RTL9: variants seen among roughly 807,000 people sequenced by gnomAD.
RTL9 encodes retrotransposon Gag-like protein 9.
In RTL9, 19 loss-of-function variants were observed where a neutral mutation model predicts 44.7. The observed-to-expected ratio is 0.42, with a 90% CI of 0.30 to 0.62. RTL9 has a LOEUF of 0.62. Among genes scored for constraint, RTL9 ranks in the 20% least tolerant of loss-of-function variants. The pLI is 0.16. For synonymous variants in RTL9, 407 were observed against 398.9 expected, an observed-to-expected ratio of 1.02 and a Z score of -0.24; for missense variants, 1,105 against 1,080.6, an observed-to-expected ratio of 1.02 and a Z score of -0.32.
intron 1 of RTL9, among the ~76,000 whole-genome samples, chrX:110,371,712 A>T (rs958851111): frequency 1.8e-5 from 2 of 111,077 alleles, no homozygotes; most frequent in African/African-American, 6.6e-5. Flanking sequence ...GCTTGGCTGA[A>T]TCCTGTTAGA....
At chrX:110,426,000 ACG>A (rs1393578269) in intron 1 of RTL9, among the ~76,000 whole-genome samples, 1 of 110,914 alleles carries the variant, frequency 9.0e-6, no homozygotes, top group Non-Finnish European at 1.9e-5. Flanking sequence ...ACACACACAA[ACG>A]CACACACACA....
In RTL9 at chrX:110,455,137, A is replaced by C; in HGVS notation, c.4048-65A>C. On this transcript the variant is annotated intron_variant, in intron 1 of 1. Coordinates refer to ENST00000540313, the Ensembl canonical transcript of RTL9. ...ATCTGCTAAGTCACAGAACTTATCC[A>C]GGCAGAACACCCGTTGCCATAGTAA... The C allele has an allele frequency of 5.9e-6, 7 of 1,190,414 alleles. No homozygotes were observed. The Middle Eastern group carries it at 1.0e-3, about 169-fold the overall frequency.
exon 1 of RTL9, chrX:110,450,878 G>T: frequency 1.7e-6 from 2 of 1,211,709 alleles, no homozygotes; most frequent in Non-Finnish European, 2.2e-6. Flanking sequence ...CTGGAGCATT[G>T]TCCCCACCCC....
upstream of RTL9, chrX:110,450,473 C>T: frequency 2.0e-6 from 1 of 499,757 alleles, no homozygotes. Context: ...TACCTGACAA[C>T]GCATAAAAAC....
chrX:110,374,955 A>G lies in RTL9; in HGVS notation c.-168+16039A>G, dbSNP rs181278981. Among the ~76,000 whole-genome samples the G allele has an allele frequency of 4.7e-3, 522 of 111,265 alleles. 1 individual carries two copies. The highest frequency in any genetic ancestry group is 0.015 in the African/African-American group (472 of 30,541). On this transcript the variant is annotated intron_variant, in intron 1 of 2. Transcript: ENST00000520821. ...CCCTTCAGCCTTTTTAAAGGAAATT[A>G]TATGTTTTCTGACTGGCCAATGAAA...
At chrX:110,442,527 T>C (rs1287148319) in intron 1 of RTL9, among the ~76,000 whole-genome samples, 1 of 111,282 alleles carries the variant, frequency 9.0e-6, no homozygotes, top group African/African-American at 3.3e-5. Context: ...GGTTATATCT[T>C]GTTTTTTCCT....
intron 1 of RTL9, among the ~76,000 whole-genome samples, chrX:110,431,033 C>A (rs971717356): frequency 1.5e-4 from 17 of 112,081 alleles, no homozygotes; most frequent in African/African-American, 5.2e-4. Context: ...CTGAGGCTGT[C>A]AGGAACCAAG....
intron 1 of RTL9, among the ~76,000 whole-genome samples, chrX:110,409,064 C>T (rs1003172547): frequency 2.7e-5 from 3 of 111,502 alleles, no homozygotes; most frequent in Non-Finnish European, 3.8e-5. Context: ...GTTTTGCTTC[C>T]GTTTGGCCTA....
chrX:110,370,003 C>A (rs2068326262), intron 1 of RTL9, among the ~76,000 whole-genome samples: 1 of 110,113 alleles, frequency 9.1e-6, no homozygotes, highest in Admixed American at 9.7e-5. Context: ...GAATCTGAGA[C>A]CCAAAATGAG....
intron 1 of RTL9, among the ~76,000 whole-genome samples, chrX:110,443,142 A>T: frequency 8.9e-6 from 1 of 111,980 alleles, no homozygotes; most frequent in Non-Finnish European, 1.9e-5. Context: ...AGAACATGCG[A>T]GGTAGGTACT....
At chrX:110,379,810 T>C (rs968242123) in intron 1 of RTL9, among the ~76,000 whole-genome samples, 4 of 112,361 alleles carry the variant, frequency 3.6e-5, no homozygotes, top group African/African-American at 1.3e-4. Context: ...GGATGGCCTT[T>C]GAGTGGTCTT....
At chrX:110,452,611 G>T (rs1454469169) in exon 1 of RTL9, 2 of 1,207,870 alleles carry the variant, frequency 1.7e-6, no homozygotes, top group South Asian at 1.8e-5. Context: ...GCCTCTGGAG[G>T]GTTGTCTGCA....
intron 1 of RTL9, among the ~76,000 whole-genome samples, chrX:110,359,198 C>T (rs138322365): frequency 8.2e-4 from 91 of 111,295 alleles, no homozygotes; most frequent in Non-Finnish European, 1.6e-3. Flanking sequence ...TACTGCTTCG[C>T]AACAGAAACT....
chrX:110,410,785 T>C (rs973233085), intron 1 of RTL9, among the ~76,000 whole-genome samples: 1 of 111,496 alleles, frequency 9.0e-6, no homozygotes, highest in Non-Finnish European at 1.9e-5. Context: ...GGATCCTAGA[T>C]ATGTCGTAGC....
chrX:110,447,830 G>A (rs2068916553), upstream of RTL9, among the ~76,000 whole-genome samples: 1 of 111,344 alleles, frequency 9.0e-6, no homozygotes, highest in African/African-American at 3.3e-5. Context: ...AACTTCACCT[G>A]GAGGCTTTGC....
At chrX:110,426,983 C>T (rs2068758965) in intron 1 of RTL9, among the ~76,000 whole-genome samples, 1 of 112,272 alleles carries the variant, frequency 8.9e-6, no homozygotes, top group South Asian at 3.7e-4. Context: ...ACTGGTTGCC[C>T]AGGGCAAAAA....
At chrX:110,394,296 G>A (rs1468083850) in intron 1 of RTL9, among the ~76,000 whole-genome samples, 3 of 111,707 alleles carry the variant, frequency 2.7e-5, no homozygotes, top group African/African-American at 9.8e-5. Context: ...TCTCGCCCAG[G>A]CTGGAGTGCA....
chrX:110,376,084 G>GT (rs1294641620), intron 1 of RTL9, among the ~76,000 whole-genome samples: 4 of 111,439 alleles, frequency 3.6e-5, no homozygotes, highest in Non-Finnish European at 7.5e-5. Context: ...TAAAACCATG[G>GT]TAAGGTGGTT....
rs1398488452 is a variant in RTL9 at position 110,454,469 on chromosome X, C to G, written c.3852C>G (p.Thr1284=). 2.5e-6 allele frequency: 3 copies of G among 1,211,837 alleles called. No homozygotes were observed. In the South Asian group the frequency reaches 5.3e-5, roughly 21 times the overall value. The change falls in exon 1 of 2, where the codon ACC becomes ACG. Residue 1284 remains threonine (T), a synonymous_variant. Coordinates refer to ENST00000540313, the Ensembl canonical transcript of RTL9. Reference sequence around the variant, plus strand: ...AAGGACTCTCAGAAGCTGTTACCACCAAAATGGGTCGGATCTTCCTGAAGG... The same window carrying G: ...AAGGACTCTCAGAAGCTGTTACCACGAAAATGGGTCGGATCTTCCTGAAGG...
Sources: allele counts gnomAD v4.1 joint callset (sites outside exome capture counted in the v4.1 genomes callset), GRCh38; gene constraint gnomAD v4.1.1; transcripts MANE v1.5; gene names NCBI Gene and HGNC (gene_info 2026-07-23, HGNC 2026-07-21).